The following CADM1 variants were observed in gnomAD, a reference collection of about 807,000 sequenced individuals.
The protein encoded by CADM1 is cell adhesion molecule 1, also known as TSLC-1.
CADM1 carries 15 observed loss-of-function variants against 53.1 expected under a neutral mutation model. The ratio of observed to expected loss-of-function variants is 0.28; its 90% CI spans 0.19 to 0.44. The LOEUF (loss-of-function observed/expected upper bound fraction) is 0.44, where lower values mean the gene tolerates loss of function less well. Ranked by LOEUF, CADM1 falls within the 20% of genes least tolerant of loss-of-function variation. The pLI, the probability that CADM1 is intolerant of heterozygous loss-of-function variation, is 1.00. For missense variants in CADM1, 434 were observed against 611.3 expected (o/e 0.71, Z 3.06); for synonymous variants, 281 against 243.0 (o/e 1.16, Z -1.45).
At chr11:115,409,342 G>A (rs750698142) in intron 1 of CADM1, among the ~76,000 whole-genome samples, 3 of 152,116 alleles carry the variant, frequency 2.0e-5, no homozygotes, top group African/African-American at 7.2e-5. Flanking sequence ...GCCAGGTAGC[G>A]CTAATCCTCA....
At chr11:115,308,677 TAC>T (rs1361953093) in intron 1 of CADM1, among the ~76,000 whole-genome samples, 2 of 152,006 alleles carry the variant, frequency 1.3e-5, no homozygotes, top group South Asian at 2.1e-4. Flanking sequence ...CTATTCCTGT[TAC>T]ACACAGTATA....
At chr11:115,239,121 AAAAATTGT>A (rs1196081392) in intron 2 of CADM1, among the ~76,000 whole-genome samples, 2 of 152,212 alleles carry the variant, frequency 1.3e-5, no homozygotes, top group Non-Finnish European at 2.9e-5. Context: ...AAAATGCCTC[AAAAATTGT>A]AAGTAAGGCC....
intron 9 of CADM1, among the ~76,000 whole-genome samples, chr11:115,192,304 AAC>A (rs1336847666): frequency 3.3e-5 from 5 of 152,196 alleles, no homozygotes; most frequent in African/African-American, 7.2e-5. Context: ...GCTAATAGTT[AAC>A]AGCAGGTGCT....
intron 1 of CADM1, among the ~76,000 whole-genome samples, chr11:115,434,523 G>A (rs1948133809): frequency 6.6e-6 from 1 of 152,132 alleles, no homozygotes; most frequent in African/African-American, 2.4e-5. Flanking sequence ...TCTTCAACAA[G>A]TTTCTTAACC....
chr11:115,240,062 AAAGT>A lies in CADM1; in HGVS notation c.271+208_271+211del, dbSNP rs112260048. ...AATTACTACAATCAATTTCTATTGC[AAAGT>A]AAGACTGCCTTACTTTTAAAAGGGG... On this transcript the variant is annotated intron_variant, in intron 2 of 11. Coordinates refer to ENST00000331581, the MANE Select transcript of CADM1 (RefSeq NM_001301043.2). Among the ~76,000 whole-genome samples, 86 of 152,298 alleles carry A rather than the reference AAAGT, an allele frequency of 5.6e-4. 1 individual carries two copies. Among genetic ancestry groups the A allele is most frequent in the Middle Eastern group, 3.4e-3 (1 of 294 alleles).
chr11:115,170,359 A>G lies in CADM1; in HGVS notation c.*6115T>C, dbSNP rs1340579756. On this transcript the variant is annotated 3_prime_UTR_variant, in exon 12 of 12. Coordinates refer to ENST00000331581, the MANE Select transcript of CADM1 (RefSeq NM_001301043.2). ...AATGTCAGGTTCCTTGTTGGAATAC[A>G]TTCTGCATTTCAATAGGCAAGGCTC... The G allele has an allele frequency of 6.6e-6, 1 of 152,250 alleles. No homozygotes were observed. The highest frequency in any genetic ancestry group is 1.5e-5 in the Non-Finnish European group (1 of 68,062). The allele number at this position is 152,250 out of a possible 1,614,324, so 9.4% of individuals were successfully genotyped here. A position where few individuals can be genotyped will look rare whatever the true frequency, so the allele number is the denominator to read the frequency against.
At chr11:115,234,893 CAAAAAAAA>C (rs57197514) in intron 3 of CADM1, among the ~76,000 whole-genome samples, 2 of 75,396 alleles carry the variant, frequency 2.7e-5, no homozygotes, top group South Asian at 6.7e-4. Flanking sequence ...ACTCCGTCTC[CAAAAAAAA>C]AAAAAAAAAA....
chr11:115,487,145 T>C (rs1028542000), intron 1 of CADM1, among the ~76,000 whole-genome samples: 1 of 152,232 alleles, frequency 6.6e-6, no homozygotes, highest in African/African-American at 2.4e-5. Context: ...TTAAGTCCAG[T>C]GGTTTTTAAA....
chr11:115,201,121 A>G (rs938937497), intron 8 of CADM1, among the ~76,000 whole-genome samples: 1 of 152,166 alleles, frequency 6.6e-6, no homozygotes, highest in Non-Finnish European at 1.5e-5. Context: ...AACACATTCT[A>G]AAATGGTTAA....
intron 1 of CADM1, among the ~76,000 whole-genome samples, chr11:115,419,411 CAA>C: frequency 6.6e-6 from 1 of 152,238 alleles, no homozygotes; most frequent in East Asian, 1.9e-4. Flanking sequence ...TTTAAAAATC[CAA>C]AAAGTTTGTT....
intron 1 of CADM1, among the ~76,000 whole-genome samples, chr11:115,330,531 T>C (rs72996053): frequency 0.08 from 12,243 of 152,262 alleles, 687 homozygotes; most frequent in Non-Finnish European, 0.12. Flanking sequence ...TTTTAAGTCC[T>C]TCCCAACGAT....
At chr11:115,477,316 T>C (rs139119852) in intron 1 of CADM1, among the ~76,000 whole-genome samples, 6 of 152,322 alleles carry the variant, frequency 3.9e-5, no homozygotes, top group African/African-American at 1.4e-4. Flanking sequence ...ATCCAAGGTA[T>C]AATAACATCT....
In CADM1 at chr11:115,258,701, T is replaced by C. The variant is rs45577334; in HGVS notation, c.125-18281A>G. ...ACGTGTTACCAAGATCAATAAGATA[T>C]CTGAGTTCTTTGGAGCAAGTACTAA... On this transcript the variant is annotated intron_variant, in intron 1 of 11. Transcript: ENST00000331581. 7.0e-3 allele frequency among the ~76,000 whole-genome samples: 1,072 copies of C among 152,340 alleles called. 4 individuals are homozygous for C. Among genetic ancestry groups the C allele is most frequent in the Non-Finnish European group, 0.012 (791 of 68,022 alleles).
chr11:115,398,693 T>C (rs533730355), intron 1 of CADM1, among the ~76,000 whole-genome samples: 2 of 152,348 alleles, frequency 1.3e-5, no homozygotes, highest in South Asian at 2.1e-4. Flanking sequence ...CAACCTAATA[T>C]TCTAACATAT....
intron 1 of CADM1, among the ~76,000 whole-genome samples, chr11:115,453,550 G>A (rs935425214): frequency 3.9e-5 from 6 of 152,138 alleles, no homozygotes; most frequent in East Asian, 1.9e-4. Flanking sequence ...CCAGGCTGGA[G>A]TGCAGTGACA....
intron 1 of CADM1, among the ~76,000 whole-genome samples, chr11:115,294,515 G>C (rs1008293993): frequency 1.3e-5 from 2 of 152,018 alleles, no homozygotes; most frequent in Non-Finnish European, 2.9e-5. Context: ...CTTTAACTTT[G>C]GGAAGGGCCT....
intron 3 of CADM1, among the ~76,000 whole-genome samples, chr11:115,232,841 C>T (rs1013718435): frequency 3.3e-5 from 5 of 152,010 alleles, no homozygotes; most frequent in African/African-American, 1.2e-4. Flanking sequence ...AAAGACAGTT[C>T]CGAGACTTAT....
At chr11:115,334,078 A>G (rs1945200279) in intron 1 of CADM1, among the ~76,000 whole-genome samples, 1 of 152,116 alleles carries the variant, frequency 6.6e-6, no homozygotes, top group African/African-American at 2.4e-5. Context: ...CTAAGGCTGT[A>G]TTTGTCTATA....
At chr11:115,454,341 C>A (rs1362519940) in intron 1 of CADM1, among the ~76,000 whole-genome samples, 3 of 152,156 alleles carry the variant, frequency 2.0e-5, no homozygotes, top group Non-Finnish European at 4.4e-5. Context: ...CCCAGAGACA[C>A]AATTCAAAGC....
Sources: gnomAD v4.1 joint callset for allele counts (sites outside exome capture counted in the v4.1 genomes callset) on GRCh38, gnomAD v4.1.1 for gene constraint, MANE v1.5 for transcripts, NCBI Gene and HGNC (gene_info 2026-07-23, HGNC 2026-07-21) for gene names.